The following GFRAL variants were observed in gnomAD, a reference collection of about 807,000 sequenced individuals.
GFRAL encodes GDNF family receptor alpha like.
GFRAL carries 36 observed loss-of-function variants against 45.4 expected under a neutral mutation model. The ratio of observed to expected loss-of-function variants is 0.79; its 90% CI spans 0.61 to 1.05. The LOEUF is 1.05. GFRAL is among the 50% of genes least tolerant of loss of function. The pLI, the probability that GFRAL is intolerant of heterozygous loss-of-function variation, is 0.00. For synonymous variants in GFRAL, 166 were observed against 154.1 expected (o/e 1.08, Z -0.57); for missense variants, 507 against 467.5 (o/e 1.08, Z -0.78).
chr6:55,370,926 G>A (rs986558287), intron 6 of GFRAL, among the ~76,000 whole-genome samples: 16 of 152,078 alleles, frequency 1.1e-4, no homozygotes, highest in Admixed American at 2.6e-4. Flanking sequence ...TTGCCATTTC[G>A]CATCTTCTTA....
At chr6:55,377,435 T>C (rs1231327927) in intron 6 of GFRAL, among the ~76,000 whole-genome samples, 3 of 152,048 alleles carry the variant, frequency 2.0e-5, no homozygotes, top group Non-Finnish European at 4.4e-5. Flanking sequence ...ATTTAGGTGT[T>C]ATACAGCTAT....
chr6:55,387,418 T>TA (rs999865121), intron 6 of GFRAL, among the ~76,000 whole-genome samples: 26 of 152,310 alleles, frequency 1.7e-4, no homozygotes, highest in African/African-American at 6.0e-4. Context: ...TGTGAAGTCA[T>TA]AAAAATCATT....
chr6:55,348,561 CTCT>C (rs1029983148), intron 3 of GFRAL, among the ~76,000 whole-genome samples: 5 of 152,118 alleles, frequency 3.3e-5, no homozygotes, highest in South Asian at 2.1e-4. Context: ...CTGGCTAGGA[CTCT>C]TCTTTTACTA....
chr6:55,365,305 G>C (rs1768345179), intron 6 of GFRAL, among the ~76,000 whole-genome samples: 2 of 141,474 alleles, frequency 1.4e-5, no homozygotes, highest in Admixed American at 1.4e-4. Flanking sequence ...CTGAGACTTT[G>C]CTGAAGTTGC....
At chr6:55,400,620 T>C (rs1768883905) in intron 8 of GFRAL, among the ~76,000 whole-genome samples, 1 of 151,540 alleles carries the variant, frequency 6.6e-6, no homozygotes, top group Non-Finnish European at 1.5e-5. Flanking sequence ...ATTTAATTTG[T>C]TGTTAACTAA....
rs576753712 is a variant in GFRAL, at chr6:55,359,937, G to A, written c.952+799G>A. ...ACAACCTACTATGATTGGCTGTCCT[G>A]GCCTATGTACAATATATTCACTCTT... On this transcript the variant is annotated intron_variant, in intron 6 of 8. Coordinates refer to ENST00000340465, the MANE Select transcript of GFRAL (RefSeq NM_207410.2). Among the ~76,000 whole-genome samples the A allele has an allele frequency of 3.3e-5, 5 of 151,962 alleles. No individual in the cohort carries two copies. In the East Asian group the frequency reaches 9.7e-4, roughly 30 times the overall value.
intron 6 of GFRAL, among the ~76,000 whole-genome samples, chr6:55,359,502 G>T (rs1384448378): frequency 6.6e-6 from 1 of 151,872 alleles, no homozygotes; most frequent in African/African-American, 2.4e-5. Context: ...GGCTTAAAAC[G>T]ATAACCATTT....
Position 55,385,391 on chromosome 6 carries a change from G to A in GFRAL, c.953-13789G>A, listed in dbSNP as rs537225840. 1.9e-4 allele frequency among the ~76,000 whole-genome samples: 29 copies of A among 152,142 alleles called. No individual in the cohort carries two copies. In the South Asian group the frequency reaches 4.3e-3, roughly 23 times the overall value. Reference sequence around the variant, plus strand: ...ACTAATGCTAGCTGACTTGTCTTTCGTTTGCTCGAGCTGCTGAGACCTAAT... The same window carrying A: ...ACTAATGCTAGCTGACTTGTCTTTCATTTGCTCGAGCTGCTGAGACCTAAT... On this transcript the variant is annotated intron_variant, in intron 6 of 8. Transcript: ENST00000340465.
At chr6:55,337,521 A>G (rs1315561671) in intron 3 of GFRAL, among the ~76,000 whole-genome samples, 1 of 152,202 alleles carries the variant, frequency 6.6e-6, no homozygotes, top group Non-Finnish European at 1.5e-5. Context: ...TTAACCAGTA[A>G]AGATATCTGG....
chr6:55,337,343 G>T (rs1040594914), intron 3 of GFRAL, among the ~76,000 whole-genome samples: 1 of 152,060 alleles, frequency 6.6e-6, no homozygotes, highest in South Asian at 2.1e-4. Context: ...AAAAAACTAT[G>T]TTCATAAAGT....
intron 1 of GFRAL, among the ~76,000 whole-genome samples, chr6:55,327,918 T>C (rs1047469277): frequency 4.6e-5 from 7 of 152,002 alleles, no homozygotes; most frequent in African/African-American, 1.2e-4. Flanking sequence ...AATAAAACCT[T>C]CCAGTATCTA....
chr6:55,371,902 CA>C (rs1173202706), intron 6 of GFRAL, among the ~76,000 whole-genome samples: 1 of 152,156 alleles, frequency 6.6e-6, no homozygotes, highest in Non-Finnish European at 1.5e-5. Context: ...TTTCCCCTTT[CA>C]CAGACAAATT....
rs564416767 is a variant in GFRAL at position 55,390,539 on chromosome 6, T to C, written c.953-8641T>C. On this transcript the variant is annotated intron_variant, in intron 6 of 8. Transcript: ENST00000340465. ...CTTTCTTTCTTACATTTTTGACAAA[T>C]GCAAGTCAAAGTGAGCCCAATATCA... 2.7e-3 allele frequency among the ~76,000 whole-genome samples: 417 copies of C among 152,224 alleles called. 2 individuals are homozygous for C. Among genetic ancestry groups the C allele is most frequent in the African/African-American group, 7.8e-3 (322 of 41,548 alleles).
At chr6:55,376,453 C>T (rs535547315) in intron 6 of GFRAL, among the ~76,000 whole-genome samples, 5 of 152,032 alleles carry the variant, frequency 3.3e-5, no homozygotes, top group African/African-American at 1.2e-4. Flanking sequence ...CTTCTTTGTA[C>T]CTCTGGTAGG....
intron 3 of GFRAL, among the ~76,000 whole-genome samples, chr6:55,334,711 C>T (rs1348900731): frequency 6.6e-6 from 1 of 152,184 alleles, no homozygotes; most frequent in Non-Finnish European, 1.5e-5. Flanking sequence ...CCCATTCAAC[C>T]ATCCGTTGTG....
chr6:55,393,173 C>T lies in GFRAL; in HGVS notation c.953-6007C>T, dbSNP rs539296728. On this transcript the variant is annotated intron_variant, in intron 6 of 8. Coordinates refer to ENST00000340465, the MANE Select transcript of GFRAL (RefSeq NM_207410.2). ...TCCTTGCCATTTAATCACATATATC[C>T]ATGTTTTCCAATTTGTTTTCCTGGA... Among the ~76,000 whole-genome samples, 7 of 152,272 alleles carry T rather than the reference C, an allele frequency of 4.6e-5. No individual in the cohort carries two copies. The East Asian group carries it at 1.3e-3, about 29-fold the overall frequency.
rs1335209023 is a variant in GFRAL at position 55,331,747 on chromosome 6, T to C, written c.55T>C (p.Ser19Pro). ...GTTAAGCTTGGAAAATGAATACACT[T>C]CCCAAACCAATAATTGCACATATTT... ...MGLSLENEYT[S>P]QTNNCTYLRE... The change falls in exon 2 of 9, where the codon TCC becomes CCC. Residue 19 changes from serine to proline, a missense_variant. Transcript: ENST00000340465. 1.2e-6 allele frequency: 2 copies of C among 1,611,378 alleles called. No individual in the cohort carries two copies. Among genetic ancestry groups the C allele is most frequent in the South Asian group, 1.1e-5 (1 of 90,456 alleles).
chr6:55,399,073 T>C, intron 6 of GFRAL, 107 bp from the exon 7 acceptor site: 1 of 564,810 alleles, frequency 1.8e-6, no homozygotes, highest in South Asian at 3.1e-5. Context: ...ATTAAAATAA[T>C]GTAATGGAAA....
Position 55,399,259 on chromosome 6 carries a change from T to C in GFRAL, c.1032T>C (p.Phe344=). 6.3e-7 allele frequency: 1 copy of C among 1,599,008 alleles called. No individual in the cohort carries two copies. Among genetic ancestry groups the C allele is most frequent in the Non-Finnish European group, 8.6e-7 (1 of 1,168,014 alleles). Residue 344 remains phenylalanine (F), a synonymous_variant, in exon 7 of 9, where the codon TTT becomes TTC. Coordinates refer to ENST00000340465, the MANE Select transcript of GFRAL (RefSeq NM_207410.2). ...KHANKITLTG[F]HSPFNGEVIY... ...CAAACAAAATCACTTTAACTGGATT[T>C]CATTCCCCCTTCAATGGTCAGTTAA... is the stretch of plus-strand genomic sequence containing the variant.
Sources: allele counts gnomAD v4.1 joint callset (sites outside exome capture counted in the v4.1 genomes callset), GRCh38; gene constraint gnomAD v4.1.1; transcripts MANE v1.5; gene names NCBI Gene and HGNC (gene_info 2026-07-23, HGNC 2026-07-21).